The following SLC25A6 variants were observed in gnomAD, a reference collection of about 807,000 sequenced individuals.
SLC25A6 encodes solute carrier family 25 member 6.
In SLC25A6, 9 loss-of-function variants were observed where a neutral mutation model predicts 25.7. That is an observed-to-expected ratio of 0.35 (90% CI 0.21 to 0.61). The LOEUF (loss-of-function observed/expected upper bound fraction) is 0.61. SLC25A6 is among the 20% of genes least tolerant of loss of function. SLC25A6 has a pLI of 0.76. For missense variants in SLC25A6, 404 were observed against 440.5 expected, an observed-to-expected ratio of 0.92 and a Z score of 0.74; for synonymous variants, 223 against 197.0, an observed-to-expected ratio of 1.13 and a Z score of -1.11.
At position 1,389,336 on chromosome X, in the gene SLC25A6, T is replaced by C; in HGVS notation, c.503A>G (p.Asp168Gly). ...GDCLVKITKS[D>G]GIRGLYQGFS... ...GCCCTGGTACAGGCCCCGGATGCCG[T>C]CGGACTTGGTGATCTTCACCAGGCA... is the stretch of plus-strand genomic sequence containing the variant. The change falls in exon 2 of 4, where the codon GAC becomes GGC. Residue 168 changes from aspartate to glycine, a missense_variant. By Grantham distance (94) the Asp-to-Gly change is moderately conservative. Transcript: ENST00000381401. 6.2e-7 allele frequency: 1 copy of C among 1,613,782 alleles called. No homozygotes were observed. The highest frequency in any genetic ancestry group is 8.5e-7 in the Non-Finnish European group (1 of 1,179,840).
At position 1,386,583 on chromosome X, in the gene SLC25A6, G is replaced by C. The variant is rs760542519; in HGVS notation, c.*19C>G. 1.3e-6 allele frequency: 2 copies of C among 1,537,264 alleles called. No homozygotes were observed. Among genetic ancestry groups the C allele is most frequent in the Non-Finnish European group, 1.7e-6 (2 of 1,145,636 alleles). On this transcript the variant is annotated 3_prime_UTR_variant, in exon 4 of 4. Transcript: ENST00000381401. ...TGGTTCCCCTGGTGTGTGTGTGTGT[G>C]TGGAGGAGGCCGCGGCCCTTAGATC...
intron 2 of SLC25A6, 91 bp downstream of exon 2, chrX:1,389,150 C>A: frequency 6.9e-7 from 1 of 1,450,026 alleles, no homozygotes; most frequent in South Asian, 1.3e-5. Flanking sequence ...CCTGCCCACA[C>A]CTTATCTCAG....
Position 1,392,108 on chromosome X carries a change from G to A in SLC25A6, c.-99C>T, listed in dbSNP as rs2089423308. Reference sequence around the variant, plus strand: ...GCTCAGCCCTGCCGCCGCCTGGACCGAAAGGACGGAGCAGCCACCGCGCAG... The same window carrying A: ...GCTCAGCCCTGCCGCCGCCTGGACCAAAAGGACGGAGCAGCCACCGCGCAG... On this transcript the variant is annotated 5_prime_UTR_variant, in exon 1 of 4. Transcript: ENST00000381401. 4 of 870,086 alleles carry A rather than the reference G, an allele frequency of 4.6e-6. No individual in the cohort carries two copies. Among genetic ancestry groups the A allele is most frequent in the East Asian group, 2.8e-5 (1 of 35,440 alleles). The allele number at this position is 870,086 out of a possible 1,614,324, so 53.9% of individuals were successfully genotyped here. A position where few individuals can be genotyped will look rare whatever the true frequency, so the allele number is the denominator to read the frequency against.
intron 2 of SLC25A6, among the ~76,000 whole-genome samples, chrX:1,388,852 C>T (rs756867774): frequency 3.4e-5 from 5 of 147,826 alleles, no homozygotes; most frequent in African/African-American, 1.0e-4. Flanking sequence ...CGTGAGGGCA[C>T]AGGGAGAAGA....
In SLC25A6 at chrX:1,389,064, G is replaced by C. The variant is rs1182960728; in HGVS notation, c.598+177C>G. 7.3e-5 allele frequency among the ~76,000 whole-genome samples: 11 copies of C among 151,608 alleles called. No individual in the cohort carries two copies. In the East Asian group the frequency reaches 9.7e-4, roughly 13 times the overall value. ...GAGGATGAGGACACAGACACACACA[G>C]AGGGATGATGCTGTGAGGGCACAGG... On this transcript the variant is annotated intron_variant, in intron 2 of 3. Coordinates refer to ENST00000381401, the MANE Select transcript of SLC25A6 (RefSeq NM_001636.4).
rs185841981 is a variant in SLC25A6, at chrX:1,387,231, G to A, written c.739+48C>T. ...ACCTCCCACGGGCCTAGGGCAAGGA[G>A]CTTGGTTCCCCTTCCCGGCAGCAAG... On this transcript the variant is annotated intron_variant, in intron 3 of 3. Coordinates refer to ENST00000381401, the MANE Select transcript of SLC25A6 (RefSeq NM_001636.4). The A allele has an allele frequency of 6.1e-5, 97 of 1,602,302 alleles. No individual in the cohort carries two copies. The African/African-American group carries it at 1.1e-3, about 18-fold the overall frequency.
intron 2 of SLC25A6, among the ~76,000 whole-genome samples, chrX:1,388,573 T>C (rs1351495853): frequency 6.9e-6 from 1 of 144,776 alleles, no homozygotes; most frequent in African/African-American, 2.6e-5. Flanking sequence ...GACTAAGACA[T>C]CTCATAACAA....
rs201596926 is a variant in SLC25A6 at position 1,389,742 on chromosome X, G to C, written c.112-15C>G. 3.7e-6 allele frequency: 6 copies of C among 1,610,134 alleles called. No homozygotes were observed. Among genetic ancestry groups the C allele is most frequent in the Non-Finnish European group, 8.5e-7 (1 of 1,178,352 alleles). Reference sequence around the variant, plus strand: ...GCGTGCTGGACCTGGGGGACGCAGAGGGTGTTCAGACCAGACCCAGGGCCA... The same window carrying C: ...GCGTGCTGGACCTGGGGGACGCAGACGGTGTTCAGACCAGACCCAGGGCCA... On this transcript the variant is annotated splice_polypyrimidine_tract_variant and intron_variant, in intron 1 of 3. Transcript: ENST00000381401.
chrX:1,387,272 C>T lies in SLC25A6; in HGVS notation c.739+7G>A, dbSNP rs1162205429. The T allele has an allele frequency of 5.6e-6, 9 of 1,610,822 alleles. No individual in the cohort carries two copies. Among genetic ancestry groups the T allele is most frequent in the Middle Eastern group, 1.8e-4 (1 of 5,546 alleles). On this transcript the variant is annotated splice_region_variant and intron_variant, in intron 3 of 3. Coordinates refer to ENST00000381401, the MANE Select transcript of SLC25A6 (RefSeq NM_001636.4). Reference sequence around the variant, plus strand: ...CGGCAGCAAGGGTCCCCCGCCCCCCCGAGTACCTCCTTTGCGCCCGGACTG... The same window carrying T: ...CGGCAGCAAGGGTCCCCCGCCCCCCTGAGTACCTCCTTTGCGCCCGGACTG...
chrX:1,390,044 T>C, intron 1 of SLC25A6: 1 of 451,552 alleles, frequency 2.2e-6, no homozygotes, highest in Non-Finnish European at 4.0e-6. Context: ...CAAGGTCTCA[T>C]GCTGTTACCC....
rs753882878 is a variant in SLC25A6 at position 1,389,321 on chromosome X, A to G, written c.518T>C (p.Leu173Pro). The change falls in exon 2 of 4, where the codon CTG becomes CCG. Residue 173 changes from leucine to proline, a missense_variant. Physicochemically the swap from Leu to Pro is moderately conservative, Grantham distance 98. Coordinates refer to ENST00000381401, the MANE Select transcript of SLC25A6 (RefSeq NM_001636.4). ...KITKSDGIRG[L>P]YQGFSVSVQG... ...CACGGAGACACTGAAGCCCTGGTAC[A>G]GGCCCCGGATGCCGTCGGACTTGGT... is the stretch of plus-strand genomic sequence containing the variant. The G allele has an allele frequency of 4.5e-5, 72 of 1,613,786 alleles. No homozygotes were observed. The highest frequency in any genetic ancestry group is 5.6e-5 in the Non-Finnish European group (66 of 1,179,866).
intron 2 of SLC25A6, among the ~76,000 whole-genome samples, 159 bp downstream of exon 2, chrX:1,389,082 G>A (rs1162355873): frequency 1.3e-5 from 2 of 151,464 alleles, no homozygotes; most frequent in African/African-American, 2.4e-5. Context: ...ATGCTGTGAG[G>A]GCACAGGGAG....
intron 1 of SLC25A6, among the ~76,000 whole-genome samples, chrX:1,391,617 G>A (rs191244661): frequency 0.019 from 2,918 of 152,318 alleles, 92 homozygotes; most frequent in African/African-American, 0.066. Flanking sequence ...CCCGCCAGCC[G>A]CAGGGTCCGT....
intron 3 of SLC25A6, 30 bp from the exon 4 acceptor site, chrX:1,386,789 C>T (rs1330343650): frequency 5.6e-6 from 9 of 1,593,518 alleles, no homozygotes; most frequent in South Asian, 2.3e-5. Context: ...GTGAGGGCCT[C>T]GCCGCCAAGC....
chrX:1,391,812 C>G, intron 1 of SLC25A6, 87 bp downstream of exon 1: 13 of 1,054,794 alleles, frequency 1.2e-5, no homozygotes, highest in Middle Eastern at 3.0e-4. Context: ...CGCCCGCCTG[C>G]AAGGCTCTGC....
In SLC25A6 at chrX:1,389,443, G is replaced by C. The variant is rs2089372917; in HGVS notation, c.396C>G (p.Tyr132Ter). ...GGCGGGTTCTGGCGAAATCCAGCGG[G>C]TACACGAAGCAGAGGGAGGTCGCGC... ...AAGATSLCFV[Y>*]PLDFARTRLA... Residue 132 changes from tyrosine to a stop codon, truncating the protein, a stop_gained, in exon 2 of 4, where the codon TAC (tyrosine) becomes TAG (stop). Transcript: ENST00000381401. LOFTEE classifies it high-confidence loss of function. The C allele has an allele frequency of 6.2e-7, 1 of 1,613,888 alleles. No individual in the cohort carries two copies.
At position 1,392,103 on chromosome X, in the gene SLC25A6, G is replaced by A. The variant is rs2089423257; in HGVS notation, c.-94C>T. The A allele has an allele frequency of 4.5e-6, 4 of 889,716 alleles. No homozygotes were observed. In the Middle Eastern group the frequency reaches 9.8e-4, roughly 217 times the overall value. 55.1% of individuals were successfully genotyped at this position (889,716 alleles called of 1,614,324 possible). On this transcript the variant is annotated 5_prime_UTR_variant, in exon 1 of 4. Transcript: ENST00000381401. ...CGCTGGCTCAGCCCTGCCGCCGCCT[G>A]GACCGAAAGGACGGAGCAGCCACCG...
intron 1 of SLC25A6, among the ~76,000 whole-genome samples, chrX:1,391,621 G>A (rs1472312842): frequency 6.6e-6 from 1 of 152,202 alleles, no homozygotes; most frequent in Admixed American, 6.5e-5. Flanking sequence ...CCAGCCGCAG[G>A]GTCCGTCCAT....
Position 1,392,040 on chromosome X carries a change from C to A in SLC25A6, c.-31G>T, listed in dbSNP as rs772114189. Reference sequence around the variant, plus strand: ...CAGGGCGGGCAGCGGAACGGGAGGACAGCCGGAGAACGGGCGCGGAGAGTG... The same window carrying A: ...CAGGGCGGGCAGCGGAACGGGAGGAAAGCCGGAGAACGGGCGCGGAGAGTG... On this transcript the variant is annotated 5_prime_UTR_variant, in exon 1 of 4. Transcript: ENST00000381401. The A allele has an allele frequency of 8.4e-6, 13 of 1,543,166 alleles. No homozygotes were observed. In the African/African-American group the frequency reaches 1.2e-4, roughly 15 times the overall value.
Sources: gnomAD v4.1 joint callset for allele counts (sites outside exome capture counted in the v4.1 genomes callset) on GRCh38, gnomAD v4.1.1 for gene constraint, MANE v1.5 for transcripts, NCBI Gene and HGNC (gene_info 2026-07-23, HGNC 2026-07-21) for gene names.